GC: variants seen among roughly 807,000 people sequenced by gnomAD.
GC encodes vitamin D-binding protein.
A neutral mutation model predicts 56.7 loss-of-function variants in GC; 43 were observed. The observed-to-expected ratio is 0.76, with a 90% CI of 0.59 to 0.98. GC has a LOEUF of 0.98. Ranked by LOEUF, GC falls within the 50% of genes least tolerant of loss-of-function variation. GC has a pLI of 0.00. For synonymous variants in GC, 216 were observed against 202.7 expected (o/e 1.07, Z -0.56); for missense variants, 529 against 545.9 (o/e 0.97, Z 0.31).
upstream of GC, chr4:71,785,945 A>G (rs1742822418): frequency 6.6e-6 from 1 of 151,796 alleles, no homozygotes; most frequent in East Asian, 1.9e-4. Context: ...ATTCAACTGT[A>G]TTTCGTCATC....
At chr4:71,790,531 A>T (rs554474902) in intron 1 of GC, among the ~76,000 whole-genome samples, 10 of 151,304 alleles carry the variant, frequency 6.6e-5, no homozygotes, top group African/African-American at 2.4e-4. Context: ...TTATTTTTTC[A>T]TATGTTTGCT....
Position 71,796,911 on chromosome 4 carries a change from T to C in GC, c.21+7015A>G, listed in dbSNP as rs568581132. On this transcript the variant is annotated intron_variant, in intron 1 of 13. Transcript: ENST00000504199. Reference sequence around the variant, plus strand: ...CCTTCTTTTTGGTTAGTTTTCTTTCTAACAGTCAGGTCCCTCAGTTGCAGG... The same window carrying C: ...CCTTCTTTTTGGTTAGTTTTCTTTCCAACAGTCAGGTCCCTCAGTTGCAGG... Among the ~76,000 whole-genome samples the C allele has an allele frequency of 1.3e-3, 199 of 152,362 alleles. 1 individual carries two copies. The highest frequency in any genetic ancestry group is 2.9e-3 in the South Asian group (14 of 4,832).
At chr4:71,772,768 G>T (rs1237320980) in intron 1 of GC, among the ~76,000 whole-genome samples, 1 of 152,030 alleles carries the variant, frequency 6.6e-6, no homozygotes, top group East Asian at 1.9e-4. Context: ...TATTGAGAAA[G>T]CTCAGAATTA....
intron 3 of GC, among the ~76,000 whole-genome samples, chr4:71,766,090 G>T (rs1019547507): frequency 3.3e-5 from 5 of 152,080 alleles, no homozygotes. Context: ...TATTAAATGA[G>T]CTCTCCTTCC....
chr4:71,753,422 T>C (rs1438452503), intron 10 of GC, among the ~76,000 whole-genome samples: 1 of 148,724 alleles, frequency 6.7e-6, no homozygotes, highest in Non-Finnish European at 1.5e-5. Flanking sequence ...AAAGCATTGT[T>C]GAAACAAGTA....
chr4:71,746,960 G>A (rs1741397310), intron 11 of GC, among the ~76,000 whole-genome samples: 3 of 152,082 alleles, frequency 2.0e-5, no homozygotes, highest in Middle Eastern at 6.8e-3. Flanking sequence ...TAAACCAGGT[G>A]AAAGATTGCC....
chr4:71,752,596 T>C lies in GC; in HGVS notation c.1317A>G (p.Ala439=). Residue 439 remains alanine (A), a synonymous_variant, in exon 11 of 13, where the codon GCA becomes GCG. Coordinates refer to ENST00000273951, the MANE Select transcript of GC (RefSeq NM_000583.4). ...AGTCTGAGTGCTTGTTAACCAGCTT[T>C]GCCAGTTCCGTGGGTGTGGCATCAG... The part of the protein sequence containing the change: ...KLPDATPTEL[A]KLVNKHSDFA... 1 of 1,613,518 alleles carries C rather than the reference T, an allele frequency of 6.2e-7. No individual in the cohort carries two copies. The highest frequency in any genetic ancestry group is 8.5e-7 in the Non-Finnish European group (1 of 1,179,454).
At chr4:71,803,692 T>C (rs1035606556) in intron 1 of GC, among the ~76,000 whole-genome samples, 7 of 152,210 alleles carry the variant, frequency 4.6e-5, no homozygotes, top group Non-Finnish European at 1.0e-4. Context: ...ACATACTCTG[T>C]CTTTTGGAAA....
chr4:71,773,017 C>T (rs767237322), intron 1 of GC, among the ~76,000 whole-genome samples: 3 of 152,034 alleles, frequency 2.0e-5, no homozygotes, highest in Non-Finnish European at 4.4e-5. Context: ...CCATGGAATA[C>T]TGCTTAATAA....
At chr4:71,794,203 A>G (rs910524761) in intron 1 of GC, among the ~76,000 whole-genome samples, 5 of 152,078 alleles carry the variant, frequency 3.3e-5, no homozygotes, top group African/African-American at 7.2e-5. Context: ...CTCTTTTTCT[A>G]TTGATTGGAA....
chr4:71,799,693 C>G (rs756185279), intron 1 of GC, among the ~76,000 whole-genome samples: 2 of 152,164 alleles, frequency 1.3e-5, no homozygotes, highest in Non-Finnish European at 2.9e-5. Flanking sequence ...AAGATTTTAC[C>G]TGGGAGGAGA....
At chr4:71,791,529 C>A (rs187026127) in intron 1 of GC, among the ~76,000 whole-genome samples, 5 of 151,990 alleles carry the variant, frequency 3.3e-5, no homozygotes, top group Admixed American at 6.6e-5. Flanking sequence ...ACGTAAACCT[C>A]GACAGTACTG....
chr4:71,754,015 A>G (rs551072990), intron 10 of GC, among the ~76,000 whole-genome samples: 3 of 152,318 alleles, frequency 2.0e-5, no homozygotes, highest in South Asian at 2.1e-4. Flanking sequence ...TTTCCTCCAG[A>G]AAAACTTAGC....
At chr4:71,775,032 C>CCTTT (rs1560705441) in intron 1 of GC, among the ~76,000 whole-genome samples, 2 of 138,760 alleles carry the variant, frequency 1.4e-5, no homozygotes, top group Non-Finnish European at 1.5e-5. Flanking sequence ...TTCCCCGGCC[C>CCTTT]TTTTTTTTTT....
chr4:71,754,135 G>C (rs367569978), intron 10 of GC, among the ~76,000 whole-genome samples: 2 of 152,216 alleles, frequency 1.3e-5, no homozygotes, highest in African/African-American at 4.8e-5. Flanking sequence ...GTGAAGTCTA[G>C]GTTTTTAGTA....
upstream of GC, chr4:71,786,144 C>T (rs963346895): frequency 7.2e-5 from 11 of 151,920 alleles, 1 homozygote; most frequent in African/African-American, 2.6e-4. Flanking sequence ...CATTTAGATG[C>T]CCTCTTGAGA....
chr4:71,763,424 T>A lies in GC; in HGVS notation c.685A>T (p.Lys229Ter). ...VCSQYAAYGE[K>*]KSRLSNLIKL... The stretch of plus-strand genomic sequence containing the variant: ...AATCTTTACCTGAGCCTTGATTTCT[T>A]CTCCCCATAAGCAGCATATTGTGAG... The change falls in exon 6 of 13, where the codon AAG (lysine) becomes TAG (stop). Residue 229 changes from lysine (K) to a stop codon, truncating the protein, a stop_gained. Transcript: ENST00000273951. LOFTEE classifies it high-confidence loss of function. The A allele has an allele frequency of 1.3e-6, 2 of 1,589,022 alleles. No individual in the cohort carries two copies. Among genetic ancestry groups the A allele is most frequent in the Non-Finnish European group, 1.7e-6 (2 of 1,157,840 alleles).
chr4:71,769,087 A>G (rs1742266149), intron 2 of GC, among the ~76,000 whole-genome samples: 1 of 152,188 alleles, frequency 6.6e-6, no homozygotes, highest in East Asian at 1.9e-4. Flanking sequence ...TTTACGTATT[A>G]TCTTTGAACT....
At chr4:71,742,591 C>T (rs1741218335) in intron 12 of GC, among the ~76,000 whole-genome samples, 1 of 152,154 alleles carries the variant, frequency 6.6e-6, no homozygotes, top group South Asian at 2.1e-4. Context: ...CACTGTGAGC[C>T]AATTCATTTA....
Sources: allele counts gnomAD v4.1 joint callset (sites outside exome capture counted in the v4.1 genomes callset), GRCh38; gene constraint gnomAD v4.1.1; transcripts MANE v1.5; gene names NCBI Gene and HGNC (gene_info 2026-07-23, HGNC 2026-07-21).